Variants in MEAK7 observed in about 807,000 individuals in gnomAD.
The protein encoded by MEAK7 is MTOR associated protein MEAK7.
Under a neutral mutation model 40.5 loss-of-function variants are expected in MEAK7, and 68 were observed. The observed-to-expected ratio is 1.68, with a 90% CI of 1.38 to 2.06. The LOEUF (loss-of-function observed/expected upper bound fraction) is 2.06, where lower values mean the gene tolerates loss of function less well. Ranked by LOEUF, MEAK7 falls within the 30% of genes most tolerant of loss-of-function variation. The pLI is 0.00. For synonymous variants in MEAK7, 338 were observed against 231.9 expected (o/e 1.46, Z -4.16); for missense variants, 918 against 580.5 (o/e 1.58, Z -5.98).
At chr16:84,485,020 G>C (rs566325406) in intron 5 of MEAK7, among the ~76,000 whole-genome samples, 1 of 152,218 alleles carries the variant, frequency 6.6e-6, no homozygotes, top group Non-Finnish European at 1.5e-5. Flanking sequence ...ATGATGCTCA[G>C]GGTCTCTTCA....
At chr16:84,502,780 A>C (rs893547290) in intron 1 of MEAK7, 1 of 152,204 alleles carries the variant, frequency 6.6e-6, no homozygotes, top group African/African-American at 2.4e-5. Flanking sequence ...CTGAGGTGGG[A>C]AGATCGCTTG....
At chr16:84,495,979 A>C in intron 2 of MEAK7, 66 bp from the exon 3 acceptor site, 1 of 1,557,042 alleles carries the variant, frequency 6.4e-7, no homozygotes, top group Non-Finnish European at 8.8e-7. Flanking sequence ...ACTAGGAGTT[A>C]TTATTTTAGG....
At chr16:84,497,370 G>C (rs1567504015) in intron 2 of MEAK7, 4 of 1,229,444 alleles carry the variant, frequency 3.3e-6, no homozygotes, top group Admixed American at 2.7e-5. Flanking sequence ...TCTAAAATGT[G>C]ATTATTTTGT....
chr16:84,489,769 C>G (rs1005176805), intron 3 of MEAK7, among the ~76,000 whole-genome samples: 1 of 152,136 alleles, frequency 6.6e-6, no homozygotes, highest in Non-Finnish European at 1.5e-5. Context: ...AATCCCTGAT[C>G]TCCCCAAATT....
rs891148673 is a variant in MEAK7, at chr16:84,477,048, T to C, written c.*2865A>G. The C allele has an allele frequency of 1.3e-5, 2 of 152,206 alleles. No homozygotes were observed. The highest frequency in any genetic ancestry group is 6.6e-5 in the Admixed American group (1 of 15,266). 9.4% of individuals were successfully genotyped at this position (152,206 alleles called of 1,614,324 possible). ...CTAGGACCACAGGCATGTGTTACCA[T>C]GCCTGGTTAATTTTCGTATTTTTTT... On this transcript the variant is annotated 3_prime_UTR_variant, in exon 8 of 8. Transcript: ENST00000343629.
chr16:84,485,298 C>T (rs1234742996), intron 5 of MEAK7, among the ~76,000 whole-genome samples: 1 of 152,206 alleles, frequency 6.6e-6, no homozygotes, highest in Non-Finnish European at 1.5e-5. Flanking sequence ...AGATCTAGAA[C>T]ATCCTGAAAC....
At chr16:84,488,578 T>C (rs1428476589) in intron 4 of MEAK7, 2 of 152,198 alleles carry the variant, frequency 1.3e-5, no homozygotes, top group African/African-American at 4.8e-5. Flanking sequence ...AGGATTCAAA[T>C]AATACAAAGT....
chr16:84,497,515 G>A, intron 2 of MEAK7: 5 of 1,290,594 alleles, frequency 3.9e-6, no homozygotes, highest in Non-Finnish European at 5.1e-6. Context: ...CCCCATCTCT[G>A]GGAGGGCAGT....
chr16:84,498,361 T>TGGGCTCGGGCAATCCTCCC (rs1365287625), intron 1 of MEAK7, among the ~76,000 whole-genome samples: 12 of 152,092 alleles, frequency 7.9e-5, no homozygotes, highest in African/African-American at 2.9e-4. Context: ...CTCAACCTCC[T>TGGGCTCGGGCAATCCTCCC]GGGCTCGGGC....
chr16:84,490,668 G>GTGTGTGTGTGTGTGTGTGTA (rs1292661438), intron 3 of MEAK7, among the ~76,000 whole-genome samples: 2 of 149,458 alleles, frequency 1.3e-5, no homozygotes, highest in Non-Finnish European at 3.0e-5. Flanking sequence ...GTGTGTGTGT[G>GTGTGTGTGTGTGTGTGTGTA]TGTGTGTGTG....
chr16:84,493,835 A>G (rs1428265237), intron 3 of MEAK7, among the ~76,000 whole-genome samples: 1 of 152,190 alleles, frequency 6.6e-6, no homozygotes, highest in Non-Finnish European at 1.5e-5. Context: ...TGTAGAGCTG[A>G]TAAAAGCCAC....
intron 7 of MEAK7, 92 bp downstream of exon 7, chr16:84,480,437 G>T: frequency 7.1e-7 from 1 of 1,413,634 alleles, no homozygotes; most frequent in South Asian, 1.4e-5. Flanking sequence ...ACTATCTGCA[G>T]ACAGAAGAGT....
In MEAK7 at chr16:84,495,923, A is replaced by G; in HGVS notation, c.154-10T>C. The stretch of plus-strand genomic sequence containing the variant: ...CTTCCCCGACGTGGTTCTGCCGGGG[A>G]CAAGCAGAAAAATATGGTTAGACAG... On this transcript the variant is annotated splice_polypyrimidine_tract_variant and intron_variant, in intron 2 of 7. Coordinates refer to ENST00000343629, the MANE Select transcript of MEAK7 (RefSeq NM_020947.4). The G allele has an allele frequency of 1.2e-6, 2 of 1,613,558 alleles. No individual in the cohort carries two copies. Among genetic ancestry groups the G allele is most frequent in the East Asian group, 2.2e-5 (1 of 44,870 alleles).
intron 2 of MEAK7, among the ~76,000 whole-genome samples, chr16:84,496,451 C>A (rs1321745754): frequency 6.6e-6 from 1 of 152,180 alleles, no homozygotes; most frequent in Non-Finnish European, 1.5e-5. Context: ...GGAGCCTCTT[C>A]CTTCCGCCTT....
In MEAK7 at chr16:84,479,838, G is replaced by A. The variant is rs1912354084; in HGVS notation, c.*75C>T. ...CTATTACAGTTAAACCATGTGGGAG[G>A]GAAGAGGGGCTGCAGGCGTTGCCCT... On this transcript the variant is annotated 3_prime_UTR_variant, in exon 8 of 8. Coordinates refer to ENST00000343629, the MANE Select transcript of MEAK7 (RefSeq NM_020947.4). The A allele has an allele frequency of 8.7e-7, 1 of 1,145,638 alleles. No individual in the cohort carries two copies. The highest frequency in any genetic ancestry group is 1.2e-6 in the Non-Finnish European group (1 of 812,764). 71.0% of individuals were successfully genotyped at this position (1,145,638 alleles called of 1,614,324 possible).
intron 6 of MEAK7, among the ~76,000 whole-genome samples, 156 bp from the exon 7 acceptor site, chr16:84,480,864 A>G (rs938259506): frequency 1.3e-5 from 2 of 152,188 alleles, no homozygotes; most frequent in Non-Finnish European, 2.9e-5. Context: ...ACTGTGAAAT[A>G]TATCAATTAC....
intron 3 of MEAK7, among the ~76,000 whole-genome samples, chr16:84,492,037 C>T (rs1416415308): frequency 6.6e-6 from 1 of 152,008 alleles, no homozygotes; most frequent in Non-Finnish European, 1.5e-5. Flanking sequence ...TTTTGAGACC[C>T]AGGAAAAGAT....
chr16:84,495,525 T>G (rs1477696176), intron 3 of MEAK7, 158 bp downstream of exon 3: 1 of 668,926 alleles, frequency 1.5e-6, no homozygotes, highest in East Asian at 2.7e-5. Context: ...CTCCCAGACA[T>G]GCCCTTAACC....
At position 84,478,659 on chromosome 16, in the gene MEAK7, C is replaced by G. The variant is rs563743425; in HGVS notation, c.*1254G>C. The G allele has an allele frequency of 6.6e-6, 1 of 152,350 alleles. No homozygotes were observed. The highest frequency in any genetic ancestry group is 2.4e-5 in the African/African-American group (1 of 41,568). 9.4% of individuals were successfully genotyped at this position (152,350 alleles called of 1,614,324 possible). A position where few individuals can be genotyped will look rare whatever the true frequency, so the allele number is the denominator to read the frequency against. Reference sequence around the variant, plus strand: ...CAGACGTGGGCAGATGGCAGCTCTGCTGACCCCACAACCCACCTACACGAT... The same window carrying G: ...CAGACGTGGGCAGATGGCAGCTCTGGTGACCCCACAACCCACCTACACGAT... On this transcript the variant is annotated 3_prime_UTR_variant, in exon 8 of 8. Coordinates refer to ENST00000343629, the MANE Select transcript of MEAK7 (RefSeq NM_020947.4).
Sources: allele counts gnomAD v4.1 joint callset (sites outside exome capture counted in the v4.1 genomes callset), GRCh38; gene constraint gnomAD v4.1.1; transcripts MANE v1.5; gene names NCBI Gene and HGNC (gene_info 2026-07-23, HGNC 2026-07-21).